The following TPR variants were observed in gnomAD, a reference collection of about 807,000 sequenced individuals.
TPR encodes the protein translocated promoter region, nuclear basket protein, also known as nucleoprotein TPR.
Under a neutral mutation model 316.1 loss-of-function variants are expected in TPR, and 51 were observed. The observed-to-expected ratio is 0.16, with a 90% CI of 0.13 to 0.20. The LOEUF is 0.20. TPR is among the 10% of genes least tolerant of loss of function. The pLI is 1.00. For synonymous variants in TPR, 981 were observed against 914.7 expected, an observed-to-expected ratio of 1.07 and a Z score of -1.31; for missense variants, 2,272 against 2,754.8, an observed-to-expected ratio of 0.82 and a Z score of 3.92.
chr1:186,342,328 T>C (rs1343193929), intron 27 of TPR: 1 of 90,052 alleles, frequency 1.1e-5, no homozygotes, highest in East Asian at 3.4e-4. Flanking sequence ...TCTTCCTGTA[T>C]TTAAGGTTGG....
At chr1:186,351,955 A>G (rs749896295) in intron 19 of TPR, 21 bp downstream of exon 19, 1 of 1,574,366 alleles carries the variant, frequency 6.4e-7, no homozygotes, top group Admixed American at 2.1e-5. Context: ...TTTTTTCTAC[A>G]TAGGCTTTTT....
chr1:186,373,512 TAC>T (rs1353016081), intron 1 of TPR, 49 bp from the exon 2 acceptor site: 2 of 1,109,226 alleles, frequency 1.8e-6, no homozygotes, highest in Admixed American at 1.9e-5. Flanking sequence ...CACATGTACA[TAC>T]ATTGTGAATA....
At chr1:186,355,086 G>T (rs1397917522) in intron 17 of TPR, among the ~76,000 whole-genome samples, 2 of 151,950 alleles carry the variant, frequency 1.3e-5, no homozygotes, top group Non-Finnish European at 2.9e-5. Flanking sequence ...TGTATTTTTA[G>T]TAGAGATGGG....
chr1:186,335,398 G>A lies in TPR; in HGVS notation c.4851C>T (p.Leu1617=). Residue 1617 remains leucine, a synonymous_variant, in exon 34 of 51, where the codon CTC becomes CTT. Coordinates refer to ENST00000367478, the MANE Select transcript of TPR (RefSeq NM_003292.3). ...EGRISRLERE[L]REHQERHLEQ... ...CAAGGTGTCTCTCTTGATGCTCCCT[G>A]AGTTCTCTTTCCAAGCGACTAATTC... 1 of 1,613,774 alleles carries A rather than the reference G, an allele frequency of 6.2e-7. No homozygotes were observed. Among genetic ancestry groups the A allele is most frequent in the Non-Finnish European group, 8.5e-7 (1 of 1,179,784 alleles).
At chr1:186,345,310 T>C (rs1658642563) in intron 24 of TPR, among the ~76,000 whole-genome samples, 1 of 152,174 alleles carries the variant, frequency 6.6e-6, no homozygotes, top group Non-Finnish European at 1.5e-5. Flanking sequence ...AGTAAAATAA[T>C]TTTTGCAAAT....
At chr1:186,346,894 C>A (rs1658696121) in intron 22 of TPR, among the ~76,000 whole-genome samples, 1 of 152,186 alleles carries the variant, frequency 6.6e-6, no homozygotes, top group African/African-American at 2.4e-5. Context: ...AAATTGTCAT[C>A]TTCTGAAGAC....
At chr1:186,344,190 C>T in intron 25 of TPR, 100 bp from the exon 26 acceptor site, 1 of 1,428,850 alleles carries the variant, frequency 7.0e-7, no homozygotes, top group Non-Finnish European at 9.4e-7. Flanking sequence ...ATCCCGACTA[C>T]TTGGGAGGCT....
Position 186,351,391 on chromosome 1 carries a change from T to G in TPR, c.2549A>C (p.His850Pro). Reference protein sequence around the residue: ...QIEKLEHEISHLKKKLENEVE... With the variant: ...QIEKLEHEISPLKKKLENEVE... ...CTCATTTTCCAACTTCTTCTTTAGATGAGAGATCTCATGTTCCAGTTTTTC... is the reference window on the plus strand; with the variant it reads ...CTCATTTTCCAACTTCTTCTTTAGAGGAGAGATCTCATGTTCCAGTTTTTC... The change falls in exon 20 of 51, where the codon CAT becomes CCT. Residue 850 changes from histidine to proline, a missense_variant. Around this residue, in one of 10 missense-constraint regions of TPR, gnomAD observed 757 missense variants for 859.8 expected, o/e 0.88. Coordinates refer to ENST00000367478, the MANE Select transcript of TPR (RefSeq NM_003292.3). The G allele has an allele frequency of 6.2e-7, 1 of 1,612,782 alleles. No individual in the cohort carries two copies. Among genetic ancestry groups the G allele is most frequent in the Non-Finnish European group, 8.5e-7 (1 of 1,179,422 alleles).
chr1:186,344,252 T>A, intron 25 of TPR, 123 bp downstream of exon 25: 1 of 1,355,906 alleles, frequency 7.4e-7, no homozygotes, highest in Non-Finnish European at 1.0e-6. Flanking sequence ...GTGACCCCAA[T>A]ATCACGCCAT....
chr1:186,330,000 T>G (rs558592771), intron 39 of TPR, among the ~76,000 whole-genome samples: 1 of 152,200 alleles, frequency 6.6e-6, no homozygotes, highest in Admixed American at 6.6e-5. Flanking sequence ...TCTGTAACTA[T>G]GAGGTATAAT....
chr1:186,363,533 C>T, intron 4 of TPR, 88 bp from the exon 5 acceptor site: 1 of 877,600 alleles, frequency 1.1e-6, no homozygotes, highest in Non-Finnish European at 1.8e-6. Flanking sequence ...GAATATAAAC[C>T]TTTAATACAA....
intron 4 of TPR, 71 bp from the exon 5 acceptor site, chr1:186,363,516 T>A: frequency 9.6e-7 from 1 of 1,041,622 alleles, no homozygotes; most frequent in Admixed American, 2.2e-5. Context: ...CAAAAATATA[T>A]TTCTAGGAAT....
At position 186,360,760 on chromosome 1, in the gene TPR, C is replaced by T; in HGVS notation, c.1099+5G>A. On this transcript the variant is annotated splice_donor_5th_base_variant and intron_variant, in intron 10 of 50. Coordinates refer to ENST00000367478, the MANE Select transcript of TPR (RefSeq NM_003292.3). ...AACTCACTAACAAGCATCTATTAGC[C>T]ATACCTTTACGTTTTGTGGCAGAAA... is the stretch of plus-strand genomic sequence containing the variant. 2.5e-6 allele frequency: 4 copies of T among 1,612,600 alleles called. No individual in the cohort carries two copies. Among genetic ancestry groups the T allele is most frequent in the Non-Finnish European group, 3.4e-6 (4 of 1,179,078 alleles).
intron 42 of TPR, among the ~76,000 whole-genome samples, chr1:186,324,750 G>A (rs1657868682): frequency 6.6e-6 from 1 of 151,454 alleles, no homozygotes; most frequent in Admixed American, 6.6e-5. Flanking sequence ...TTTTGTTCAG[G>A]GCACTAGGCC....
Position 186,339,644 on chromosome 1 carries a change from T to C in TPR, c.4149A>G (p.Ala1383=). 6.4e-7 allele frequency: 1 copy of C among 1,574,752 alleles called. No individual in the cohort carries two copies. Among genetic ancestry groups the C allele is most frequent in the South Asian group, 1.2e-5 (1 of 83,292 alleles). The change falls in exon 30 of 51, where the codon GCA becomes GCG. Residue 1383 remains alanine, a splice_region_variant and synonymous_variant. Coordinates refer to ENST00000367478, the MANE Select transcript of TPR (RefSeq NM_003292.3). The part of the protein sequence containing the change: ...EEIGRLKAEI[A]RSNASLTNNQ... ...ATTTAAGGCTTCTTTCCATATACCT[T>C]GCAATTTCAGCTTTAAGTCTACCAA...
intron 40 of TPR, 131 bp from the exon 41 acceptor site, chr1:186,326,366 T>C (rs1657932850): frequency 7.2e-7 from 1 of 1,388,286 alleles, no homozygotes; most frequent in African/African-American, 1.4e-5. Context: ...GAGAGTTGTA[T>C]GGGATTAGTA....
At chr1:186,365,766 T>A (rs1659325996) in intron 4 of TPR, among the ~76,000 whole-genome samples, 1 of 152,096 alleles carries the variant, frequency 6.6e-6, no homozygotes. Context: ...ACAAAATTTG[T>A]AACAGAGCCA....
intron 41 of TPR, 98 bp downstream of exon 41, chr1:186,325,999 AAAGGTTT>A: frequency 6.4e-7 from 1 of 1,564,490 alleles, no homozygotes; most frequent in Non-Finnish European, 8.6e-7. Context: ...CAAAACAACC[AAAGGTTT>A]TAGTGAATTT....
rs1659167816 is a variant in TPR at position 186,360,962 on chromosome 1, C to T, written c.959-57G>A. On this transcript the variant is annotated intron_variant, in intron 9 of 50. Transcript: ENST00000367478. ...AACATACAGTTAAAATTTTAGTTTA[C>T]AAAATGCAACAGATCAGTCACTTCT... 2.6e-5 allele frequency: 40 copies of T among 1,543,822 alleles called. 1 individual carries two copies. The South Asian group carries it at 4.7e-4, about 18-fold the overall frequency.
Sources: gnomAD v4.1 joint callset for allele counts (sites outside exome capture counted in the v4.1 genomes callset) on GRCh38, gnomAD v4.1.1 for gene constraint, gnomAD v4.1.1 regional missense constraint, MANE v1.5 for transcripts, NCBI Gene and HGNC (gene_info 2026-07-23, HGNC 2026-07-21) for gene names.